The following PLCB4 variants were observed in gnomAD, a reference collection of about 807,000 sequenced individuals.
The protein encoded by PLCB4 is phospholipase C beta 4, also known as 1-phosphatidylinositol 4,5-bisphosphate phosphodiesterase beta-4.
PLCB4 carries 77 observed loss-of-function variants against 178.8 expected under a neutral mutation model. The ratio of observed to expected loss-of-function variants is 0.43; its 90% confidence interval spans 0.36 to 0.52. The LOEUF (loss-of-function observed/expected upper bound fraction) is 0.52, where lower values mean the gene tolerates loss of function less well. Ranked by LOEUF, PLCB4 falls within the 20% of genes least tolerant of loss-of-function variation. The pLI is 0.00. For missense variants in PLCB4, 1,024 were observed against 1,453.4 expected (o/e 0.70, Z 4.80); for synonymous variants, 496 against 490.8 (o/e 1.01, Z -0.14).
chr20:9,297,769 C>T (rs183283951), intron 3 of PLCB4, among the ~76,000 whole-genome samples: 8 of 152,126 alleles, frequency 5.3e-5, no homozygotes, highest in East Asian at 3.9e-4. Context: ...ACTTTTAATA[C>T]GATTTCAGCT....
chr20:9,476,060 G>C (rs1474670), intron 38 of PLCB4, among the ~76,000 whole-genome samples: 46,352 of 151,926 alleles, frequency 0.31, 7,244 homozygotes, highest in Middle Eastern at 0.43. Context: ...ACTCCTAATC[G>C]GTGTCCCAAA....
At chr20:9,408,096 T>A (rs377578921) in intron 22 of PLCB4, 38 bp downstream of exon 22, 9 of 1,560,882 alleles carry the variant, frequency 5.8e-6, no homozygotes, top group Non-Finnish European at 7.8e-6. Context: ...CTTTTTTGCT[T>A]GATTTTCTTT....
intron 14 of PLCB4, among the ~76,000 whole-genome samples, chr20:9,385,913 G>A (rs543710624): frequency 1.3e-5 from 2 of 152,354 alleles, no homozygotes; most frequent in South Asian, 4.1e-4. Flanking sequence ...CGGCTGGAAG[G>A]TGGAGGTTGT....
At chr20:9,189,716 G>A (rs557736621) in intron 2 of PLCB4, among the ~76,000 whole-genome samples, 12 of 152,278 alleles carry the variant, frequency 7.9e-5, no homozygotes, top group African/African-American at 2.6e-4. Context: ...AGTAGACTAA[G>A]TGTCTGTGAA....
At chr20:9,410,962 T>A (rs2039815349) in intron 24 of PLCB4, 75 bp from the exon 25 acceptor site, 11 of 1,016,650 alleles carry the variant, frequency 1.1e-5, no homozygotes, top group Non-Finnish European at 1.7e-5. Flanking sequence ...CTGATACCTA[T>A]TGTTTCAAAT....
intron 32 of PLCB4, among the ~76,000 whole-genome samples, chr20:9,445,555 A>AT (rs1302812829): frequency 3.3e-5 from 5 of 152,222 alleles, no homozygotes; most frequent in African/African-American, 9.6e-5. Context: ...CCTAACACTG[A>AT]TTTTTTTTAG....
At chr20:9,414,860 T>C (rs1215260321) in intron 25 of PLCB4, among the ~76,000 whole-genome samples, 1 of 152,234 alleles carries the variant, frequency 6.6e-6, no homozygotes, top group African/African-American at 2.4e-5. Context: ...AGTGAGTGAT[T>C]GATATCAAAA....
intron 3 of PLCB4, among the ~76,000 whole-genome samples, chr20:9,234,103 A>G (rs1168492502): frequency 1.3e-5 from 2 of 152,244 alleles, no homozygotes; most frequent in Non-Finnish European, 2.9e-5. Flanking sequence ...TGAGTTGGAT[A>G]CAGATGGTAA....
intron 28 of PLCB4, among the ~76,000 whole-genome samples, chr20:9,432,274 A>C (rs2041474280): frequency 6.6e-6 from 1 of 152,192 alleles, no homozygotes; most frequent in Non-Finnish European, 1.5e-5. Flanking sequence ...TTGATTCTTT[A>C]ATGTCTTGCT....
chr20:9,375,814 G>A (rs2036621829), intron 12 of PLCB4, among the ~76,000 whole-genome samples: 1 of 152,052 alleles, frequency 6.6e-6, no homozygotes, highest in Non-Finnish European at 1.5e-5. Context: ...AAGGTAACCA[G>A]AGAAACAATG....
At chr20:9,434,417 C>G (rs2041631115) in intron 28 of PLCB4, among the ~76,000 whole-genome samples, 1 of 151,906 alleles carries the variant, frequency 6.6e-6, no homozygotes, top group Non-Finnish European at 1.5e-5. Flanking sequence ...ACTCTGTCAC[C>G]CAGCCTGGAG....
At chr20:9,467,106 AG>A (rs2043839190) in intron 35 of PLCB4, among the ~76,000 whole-genome samples, 2 of 152,252 alleles carry the variant, frequency 1.3e-5, no homozygotes, top group Non-Finnish European at 2.9e-5. Context: ...GCCATAAAAA[AG>A]GATGAGTTCA....
intron 15 of PLCB4, among the ~76,000 whole-genome samples, chr20:9,389,576 G>C (rs1337553707): frequency 6.6e-6 from 1 of 152,206 alleles, no homozygotes; most frequent in East Asian, 1.9e-4. Flanking sequence ...CTGAACTCCT[G>C]GCCTGGCAGA....
chr20:9,171,667 G>A (rs915276078), intron 2 of PLCB4, among the ~76,000 whole-genome samples: 1 of 152,106 alleles, frequency 6.6e-6, no homozygotes, highest in African/African-American at 2.4e-5. Flanking sequence ...ATAAATTCAG[G>A]TTATAAATTT....
At chr20:9,455,229 A>G (rs1013789619) in intron 33 of PLCB4, among the ~76,000 whole-genome samples, 12 of 152,192 alleles carry the variant, frequency 7.9e-5, no homozygotes, top group African/African-American at 2.9e-4. Flanking sequence ...GGTTATTTGT[A>G]TTTACAAGAT....
At chr20:9,175,766 A>G (rs1232867405) in intron 2 of PLCB4, among the ~76,000 whole-genome samples, 1 of 152,166 alleles carries the variant, frequency 6.6e-6, no homozygotes, top group Non-Finnish European at 1.5e-5. Context: ...CACATCTACC[A>G]CATAATCCCA....
intron 2 of PLCB4, among the ~76,000 whole-genome samples, chr20:9,115,576 C>A (rs1262039447): frequency 1.9e-5 from 2 of 107,470 alleles, no homozygotes; most frequent in African/African-American, 7.2e-5. Context: ...TATCCCTCCC[C>A]CCTCCCCCCA....
intron 35 of PLCB4, among the ~76,000 whole-genome samples, chr20:9,463,386 A>AT (rs1467339799): frequency 3.3e-5 from 5 of 152,152 alleles, no homozygotes; most frequent in Admixed American, 3.3e-4. Context: ...AGTTAACATC[A>AT]TAATGACAGG....
chr20:9,415,900 C>T (rs778024802), intron 25 of PLCB4, among the ~76,000 whole-genome samples: 14 of 152,166 alleles, frequency 9.2e-5, no homozygotes, highest in Non-Finnish European at 1.8e-4. Flanking sequence ...GCCCCAGCCC[C>T]CTGCACCCTC....
Sources: allele counts gnomAD v4.1 joint callset (sites outside exome capture counted in the v4.1 genomes callset), GRCh38; gene constraint gnomAD v4.1.1; transcripts MANE v1.5; gene names NCBI Gene and HGNC (gene_info 2026-07-23, HGNC 2026-07-21).